SLC23A2: variants seen among roughly 807,000 people sequenced by gnomAD.
The protein encoded by SLC23A2 is Na(+)/L-ascorbic acid transporter 2.
In SLC23A2, 36 loss-of-function variants were observed where a neutral mutation model predicts 73.3. That is an observed-to-expected ratio of 0.49 (90% CI 0.38 to 0.65). The LOEUF is 0.65. Among genes scored for constraint, SLC23A2 ranks in the 30% least tolerant of loss-of-function variants. SLC23A2 has a pLI of 0.00. For missense variants in SLC23A2, 507 were observed against 841.6 expected (o/e 0.60, Z 4.92); for synonymous variants, 343 against 327.3 (o/e 1.05, Z -0.52).
At chr20:5,009,276 G>T (rs906332320) in intron 1 of SLC23A2, among the ~76,000 whole-genome samples, 2 of 152,040 alleles carry the variant, frequency 1.3e-5, no homozygotes, top group Non-Finnish European at 2.9e-5. Flanking sequence ...GATAAGGAGA[G>T]TGTGGCTATG....
chr20:4,887,521 G>GA (rs1931149718), intron 6 of SLC23A2, among the ~76,000 whole-genome samples: 2 of 152,210 alleles, frequency 1.3e-5, no homozygotes, highest in Admixed American at 1.3e-4. Flanking sequence ...ATGGCAAAAG[G>GA]AAAGACTGGA....
Position 4,902,549 on chromosome 20 carries a change from C to T in SLC23A2, c.217G>A (p.Ala73Thr), listed in dbSNP as rs781185548. 9.4e-6 allele frequency: 15 copies of T among 1,595,702 alleles called. No individual in the cohort carries two copies. Among genetic ancestry groups the T allele is most frequent in the Middle Eastern group, 1.7e-4 (1 of 6,048 alleles). Residue 73 changes from alanine (A) to threonine (T), a missense_variant, in exon 5 of 17, where the codon GCT becomes ACT. Physicochemically the swap from Ala to Thr is moderately conservative, Grantham distance 58. This residue lies in a region of SLC23A2 where 78 missense variants were observed against 86.7 expected (regional missense o/e 0.90). Coordinates refer to ENST00000338244, the MANE Select transcript of SLC23A2 (RefSeq NM_005116.6). The surrounding 1 kb of genome is among the most constrained non-coding windows in gnomAD (Gnocchi z 4.0). ...ENGIAEKSSL[A>T]ETLDSTGSLD... ...CTGCCAGTGCTATCCAGGGTCTCAGCGAGAGAGCTCTGCGAGCCAGAAGGA... is the reference window on the plus strand; with the variant it reads ...CTGCCAGTGCTATCCAGGGTCTCAGTGAGAGAGCTCTGCGAGCCAGAAGGA...
intron 1 of SLC23A2, among the ~76,000 whole-genome samples, chr20:5,009,651 C>T (rs893725885): frequency 2.6e-5 from 4 of 152,036 alleles, no homozygotes; most frequent in Non-Finnish European, 5.9e-5. Flanking sequence ...TTTACTTGTT[C>T]CACCAAACCA....
intron 3 of SLC23A2, among the ~76,000 whole-genome samples, chr20:4,921,506 A>G (rs1252810286): frequency 2.0e-5 from 3 of 151,840 alleles, no homozygotes; most frequent in Non-Finnish European, 4.4e-5. Flanking sequence ...GGATCACTTG[A>G]GCCCAGGAGG....
At chr20:4,874,478 C>T (rs1930578713) in intron 10 of SLC23A2, 98 bp downstream of exon 10, 4 of 1,124,270 alleles carry the variant, frequency 3.6e-6, no homozygotes, top group Admixed American at 4.6e-5. Flanking sequence ...AGATATGATC[C>T]CCCAAGGAGG....
intron 15 of SLC23A2, among the ~76,000 whole-genome samples, chr20:4,861,676 C>T: frequency 6.6e-6 from 1 of 152,042 alleles, no homozygotes. Context: ...CTAATGAAAT[C>T]AAAAGCATTT....
At chr20:4,879,038 C>T (rs1039424553) in intron 9 of SLC23A2, among the ~76,000 whole-genome samples, 1 of 152,174 alleles carries the variant, frequency 6.6e-6, no homozygotes, top group Non-Finnish European at 1.5e-5. Flanking sequence ...TATTTAAGTT[C>T]CTGACTTCAA....
intron 2 of SLC23A2, among the ~76,000 whole-genome samples, chr20:4,970,234 C>T (rs1162592981): frequency 6.6e-6 from 1 of 152,182 alleles, no homozygotes; most frequent in African/African-American, 2.4e-5. Flanking sequence ...AGTGGCAAGA[C>T]TGTGCCTGTT....
At chr20:5,004,338 T>A (rs6139609), upstream of SLC23A2, among the ~76,000 whole-genome samples, 21,473 of 152,164 alleles carry the variant, frequency 0.14, 1,775 homozygotes, top group East Asian at 0.34. Context: ...TCACCTGTGG[T>A]CAAGCTGGGA....
chr20:5,003,591 C>G (rs2088158444), upstream of SLC23A2, among the ~76,000 whole-genome samples: 1 of 151,686 alleles, frequency 6.6e-6, no homozygotes, highest in Non-Finnish European at 1.5e-5. Flanking sequence ...AAGGGAAGTT[C>G]CAGGGTCAAG....
chr20:4,987,265 T>A (rs2087845590), intron 1 of SLC23A2, among the ~76,000 whole-genome samples: 1 of 152,088 alleles, frequency 6.6e-6, no homozygotes, highest in African/African-American at 2.4e-5. Flanking sequence ...CAAAAACCCA[T>A]CAAACTTCTC....
At chr20:4,936,086 C>A (rs1268935751) in intron 2 of SLC23A2, among the ~76,000 whole-genome samples, 1 of 152,090 alleles carries the variant, frequency 6.6e-6, no homozygotes, top group Non-Finnish European at 1.5e-5. Flanking sequence ...TGGGGGATGA[C>A]CTTTTGAGCT....
chr20:4,964,032 G>T (rs1313943290), intron 2 of SLC23A2, among the ~76,000 whole-genome samples: 3 of 149,936 alleles, frequency 2.0e-5, no homozygotes, highest in African/African-American at 7.4e-5. Flanking sequence ...TTTGAGATAG[G>T]GTCTCACTCT....
chr20:5,008,174 T>C (rs2088211414), intron 1 of SLC23A2, among the ~76,000 whole-genome samples: 1 of 152,178 alleles, frequency 6.6e-6, no homozygotes, highest in South Asian at 2.1e-4. Flanking sequence ...CCTCCCAAAG[T>C]GCTGGGATTA....
chr20:4,861,844 A>C, intron 15 of SLC23A2, 104 bp downstream of exon 15: 1 of 1,170,854 alleles, frequency 8.5e-7, no homozygotes, highest in Non-Finnish European at 1.2e-6. Context: ...TCTGCACCAC[A>C]GCTCCTGGAG....
chr20:4,950,853 G>T (rs149164334), intron 2 of SLC23A2, among the ~76,000 whole-genome samples: 1,543 of 152,288 alleles, frequency 0.01, 28 homozygotes, highest in African/African-American at 0.035. Flanking sequence ...GACAATTCCT[G>T]GAGAAAAGCA....
chr20:4,921,605 A>C (rs1041361731), intron 3 of SLC23A2, among the ~76,000 whole-genome samples: 3 of 150,452 alleles, frequency 2.0e-5, no homozygotes, highest in African/African-American at 4.9e-5. Context: ...TCACAACCAA[A>C]AAAAAAAAAA....
At chr20:4,939,140 G>A (rs971048428) in intron 2 of SLC23A2, among the ~76,000 whole-genome samples, 1 of 152,202 alleles carries the variant, frequency 6.6e-6, no homozygotes, top group Non-Finnish European at 1.5e-5. Flanking sequence ...ATGTCTATCT[G>A]TCTGCCTAGC....
At chr20:4,961,303 G>A (rs534561687) in intron 2 of SLC23A2, among the ~76,000 whole-genome samples, 23 of 151,932 alleles carry the variant, frequency 1.5e-4, no homozygotes, top group East Asian at 9.7e-4. Context: ...GGATGGTCTC[G>A]ATCTCCCTGA....
Sources: gnomAD v4.1 joint callset for allele counts (sites outside exome capture counted in the v4.1 genomes callset) on GRCh38, gnomAD v4.1.1 for gene constraint, gnomAD v4.1.1 regional missense constraint, Gnocchi (gnomAD v3.1) non-coding constraint, MANE v1.5 for transcripts, NCBI Gene and HGNC (gene_info 2026-07-23, HGNC 2026-07-21) for gene names.